CARS2: variants seen among roughly 807,000 people sequenced by gnomAD.
CARS2 encodes the protein cysteinyl-tRNA synthetase 2, mitochondrial.
In CARS2, 52 loss-of-function variants were observed where a neutral mutation model predicts 68.8. The ratio of observed to expected loss-of-function variants is 0.76; its 90% confidence interval spans 0.61 to 0.95. The LOEUF (loss-of-function observed/expected upper bound fraction) is 0.95. Ranked by LOEUF, CARS2 falls within the 40% of genes least tolerant of loss-of-function variation. The pLI is 0.00. For synonymous variants in CARS2, 314 were observed against 303.6 expected, an observed-to-expected ratio of 1.03 and a Z score of -0.36; for missense variants, 780 against 754.2, an observed-to-expected ratio of 1.03 and a Z score of -0.40.
At chr13:110,662,349 T>C (rs2986104) in intron 9 of CARS2, among the ~76,000 whole-genome samples, 30,669 of 149,632 alleles carry the variant, frequency 0.2, 3,595 homozygotes, top group Admixed American at 0.3. Flanking sequence ...TGCAACCCCA[T>C]GGCCAGGCTC....
Position 110,641,522 on chromosome 13 carries a change from G to A in CARS2, c.*15C>T, listed in dbSNP as rs761673024. ...TGCGTCTTGTCGTGAGCAGGTTCATGGCTGTGCTCCATCCTCAGCCCGCTG... is the reference window on the plus strand; with the variant it reads ...TGCGTCTTGTCGTGAGCAGGTTCATAGCTGTGCTCCATCCTCAGCCCGCTG... On this transcript the variant is annotated 3_prime_UTR_variant, in exon 15 of 15. Coordinates refer to ENST00000257347, the MANE Select transcript of CARS2 (RefSeq NM_024537.4). 1.2e-6 allele frequency: 2 copies of A among 1,606,224 alleles called. No individual in the cohort carries two copies. The highest frequency in any genetic ancestry group is 1.7e-6 in the Non-Finnish European group (2 of 1,172,808).
chr13:110,658,629 C>T (rs2062429291), intron 9 of CARS2, among the ~76,000 whole-genome samples: 1 of 152,034 alleles, frequency 6.6e-6, no homozygotes, highest in South Asian at 2.1e-4. Flanking sequence ...TTGGGGATAA[C>T]TGGAGAAAAC....
upstream of CARS2, chr13:110,707,693 C>T (rs2063991602): frequency 6.6e-6 from 1 of 150,648 alleles, no homozygotes; most frequent in Non-Finnish European, 1.5e-5. Context: ...TACGATGTCT[C>T]AAAAAAAAGA....
chr13:110,659,116 G>A (rs56996531), intron 9 of CARS2, among the ~76,000 whole-genome samples: 257 of 152,080 alleles, frequency 1.7e-3, no homozygotes, highest in African/African-American at 6.0e-3. Flanking sequence ...ATATACAGGT[G>A]TCCATGTGCA....
rs2296655 is a variant in CARS2, at chr13:110,663,714, C to T, written c.920-196G>A. ...GAAGACAGGACCTGCCCTTGTTCCACGGTGCAGGGACACCCAGCCCCACAC... is the reference window on the plus strand; with the variant it reads ...GAAGACAGGACCTGCCCTTGTTCCATGGTGCAGGGACACCCAGCCCCACAC... On this transcript the variant is annotated intron_variant, in intron 8 of 14. Transcript: ENST00000257347. 0.83 allele frequency: 1,138,252 copies of T among 1,372,834 alleles called. 473,898 individuals are homozygous for T. The highest frequency in any genetic ancestry group is 0.85 in the East Asian group (29,958 of 35,202). The allele number at this position is 1,372,834 out of a possible 1,614,324, so 85.0% of individuals were successfully genotyped here.
chr13:110,666,143 C>T (rs530534157), intron 8 of CARS2: 8 of 985,348 alleles, frequency 8.1e-6, no homozygotes, highest in East Asian at 1.1e-4. Flanking sequence ...TGCAGGCCCC[C>T]GGCTGTGGAA....
intron 13 of CARS2, chr13:110,644,130 A>C (rs956915584): frequency 7.2e-7 from 1 of 1,395,014 alleles, no homozygotes; most frequent in Admixed American, 2.1e-5. Context: ...AGCTGGCGAC[A>C]TTCTGTTGCT....
At chr13:110,655,591 AAACT>A (rs1375079971) in intron 9 of CARS2, among the ~76,000 whole-genome samples, 2 of 152,218 alleles carry the variant, frequency 1.3e-5, no homozygotes, top group South Asian at 2.1e-4. Context: ...TGCTCCGAGA[AAACT>A]AACCGCTGCT....
At chr13:110,666,675 T>G in intron 8 of CARS2, 1 of 985,488 alleles carries the variant, frequency 1.0e-6, no homozygotes, top group Non-Finnish European at 1.2e-6. Context: ...CTTCAAAAGA[T>G]AGTATTTGTT....
At position 110,654,921 on chromosome 13, in the gene CARS2, C is replaced by CAAAA. The variant is rs34662096; in HGVS notation, c.988-3825_988-3822dup. ...CCCAGGTGACAGCAAAACCCTCTCT[C>CAAAA]AAAAAAAAAAAAAAGAAAAAGAAAA... On this transcript the variant is annotated intron_variant, in intron 9 of 14. Transcript: ENST00000257347. Among the ~76,000 whole-genome samples the CAAAA allele has an allele frequency of 1.8e-4, 15 of 83,850 alleles. 1 individual carries two copies. The highest frequency in any genetic ancestry group is 1.0e-3 in the East Asian group (3 of 3,010). The allele number at this position is 83,850 out of a possible 152,430, so 55.0% of individuals were successfully genotyped here.
chr13:110,690,303 CAGG>C (rs1392526829), intron 3 of CARS2, among the ~76,000 whole-genome samples: 1 of 152,158 alleles, frequency 6.6e-6, no homozygotes, highest in Non-Finnish European at 1.5e-5. Context: ...AATTTATTGC[CAGG>C]AGAAGTCAAA....
chr13:110,695,952 G>T (rs372865187), intron 3 of CARS2, among the ~76,000 whole-genome samples: 1 of 151,960 alleles, frequency 6.6e-6, no homozygotes, highest in Non-Finnish European at 1.5e-5. Context: ...GACAGGCGCC[G>T]GGTGTGTGAT....
chr13:110,650,397 C>G (rs1033302298), intron 10 of CARS2: 1 of 152,028 alleles, frequency 6.6e-6, no homozygotes, highest in African/African-American at 2.4e-5. Flanking sequence ...CGTGCCAGGC[C>G]TTTTGTATTT....
chr13:110,666,647 A>G, intron 8 of CARS2: 1 of 985,256 alleles, frequency 1.0e-6, no homozygotes, highest in Non-Finnish European at 1.2e-6. Context: ...GTGACATCCT[A>G]ATTTCCCAAT....
At chr13:110,710,178 C>A (rs543699250), upstream of CARS2, among the ~76,000 whole-genome samples, 2 of 152,082 alleles carry the variant, frequency 1.3e-5, no homozygotes, top group African/African-American at 2.4e-5. Flanking sequence ...GTCAGGAGTT[C>A]GAGACCAGCC....
At chr13:110,687,868 A>C in intron 4 of CARS2, 42 bp from the exon 5 acceptor site, 1 of 1,560,562 alleles carries the variant, frequency 6.4e-7, no homozygotes, top group Non-Finnish European at 8.8e-7. Context: ...CCTCGTGAGA[A>C]GCACAGGTCA....
chr13:110,667,467 T>C lies in CARS2; in HGVS notation c.792A>G (p.Val264=). Residue 264 remains valine, a synonymous_variant, in exon 8 of 15, where the codon GTA becomes GTG. Coordinates refer to ENST00000257347, the MANE Select transcript of CARS2 (RefSeq NM_024537.4). ...AATGGATATCCAGTTGACTTCCAAA[T>C]ACCATACTGCAAGACACAGTGCAAA... ...HIECSAIASM[V]FGSQLDIHSG... 6.2e-7 allele frequency: 1 copy of C among 1,613,828 alleles called. No individual in the cohort carries two copies. Among genetic ancestry groups the C allele is most frequent in the Non-Finnish European group, 8.5e-7 (1 of 1,179,828 alleles).
rs1256266992 is a variant in CARS2 at position 110,705,238 on chromosome 13, G to A, written c.275+283C>T. Among the ~76,000 whole-genome samples, 2 of 152,134 alleles carry A rather than the reference G, an allele frequency of 1.3e-5. No homozygotes were observed. Among genetic ancestry groups the A allele is most frequent in the African/African-American group, 2.4e-5 (1 of 41,430 alleles). On this transcript the variant is annotated intron_variant, in intron 2 of 14. Coordinates refer to ENST00000257347, the MANE Select transcript of CARS2 (RefSeq NM_024537.4). The surrounding 1 kb of genome is among the most constrained non-coding windows in gnomAD (Gnocchi z 4.0). ...CAGCAGGACCCCGGGACCCCGCAAA[G>A]GCCTCTTGATGTCACTAAACCCAGC... is the stretch of plus-strand genomic sequence containing the variant.
At chr13:110,692,919 G>A (rs145453880) in intron 3 of CARS2, among the ~76,000 whole-genome samples, 5,226 of 151,966 alleles carry the variant, frequency 0.034, 311 homozygotes, top group African/African-American at 0.12. Context: ...AGACCAGTCT[G>A]ACCAACATGG....
Sources: gnomAD v4.1 joint callset for allele counts (sites outside exome capture counted in the v4.1 genomes callset) on GRCh38, gnomAD v4.1.1 for gene constraint, Gnocchi (gnomAD v3.1) non-coding constraint, MANE v1.5 for transcripts, NCBI Gene and HGNC (gene_info 2026-07-23, HGNC 2026-07-21) for gene names.